Variants in CD2AP observed in about 807,000 individuals in gnomAD.
The protein encoded by CD2AP is CD2-associated protein.
In CD2AP, 46 loss-of-function variants were observed where a neutral mutation model predicts 85.1. That is an observed-to-expected ratio of 0.54 (90% CI 0.43 to 0.69). CD2AP has a LOEUF of 0.69. Ranked by LOEUF, CD2AP falls within the 30% of genes least tolerant of loss-of-function variation. The probability of loss-of-function intolerance (pLI) is 0.00; values close to 1 mark genes in which losing one functional copy is unlikely to be tolerated. For missense variants in CD2AP, 769 were observed against 729.5 expected, an observed-to-expected ratio of 1.05 and a Z score of -0.62; for synonymous variants, 255 against 252.9, an observed-to-expected ratio of 1.01 and a Z score of -0.08.
Position 47,503,280 on chromosome 6 carries a change from T to G in CD2AP, c.5T>G (p.Val2Gly). 6.2e-7 allele frequency: 1 copy of G among 1,613,482 alleles called. No individual in the cohort carries two copies. The highest frequency in any genetic ancestry group is 8.5e-7 in the Non-Finnish European group (1 of 1,179,564). M[V>G]DYIVEYDYDA... ...ATTTCGTTTTTTCCCCCTTTTTTAGTTGACTATATTGTGGAGTATGACTAT... is the reference window on the plus strand; with the variant it reads ...ATTTCGTTTTTTCCCCCTTTTTTAGGTGACTATATTGTGGAGTATGACTAT... The change falls in exon 2 of 18, where the codon GTT becomes GGT. Residue 2 changes from valine to glycine, a missense_variant and splice_region_variant. Transcript: ENST00000359314.
At chr6:47,488,211 G>T (rs1162078948) in intron 1 of CD2AP, among the ~76,000 whole-genome samples, 1 of 152,046 alleles carries the variant, frequency 6.6e-6, no homozygotes, top group Non-Finnish European at 1.5e-5. Flanking sequence ...AGACATTTCT[G>T]TATGAGTCTC....
intron 11 of CD2AP, among the ~76,000 whole-genome samples, chr6:47,585,434 A>G (rs1213409951): frequency 6.6e-6 from 1 of 152,204 alleles, no homozygotes; most frequent in Non-Finnish European, 1.5e-5. Context: ...AATGTATGAA[A>G]CAGTGGCTTT....
chr6:47,505,011 C>CTTTTTTTTTTTTTTTTTT (rs58060161), intron 2 of CD2AP, among the ~76,000 whole-genome samples: 33 of 95,112 alleles, frequency 3.5e-4, no homozygotes, highest in South Asian at 8.2e-4. Flanking sequence ...GTGGCAGTTT[C>CTTTTTTTTTTTTTTTTTT]TTTTTTTTTT....
At chr6:47,478,534 C>T (rs1765365207) in intron 1 of CD2AP, among the ~76,000 whole-genome samples, 1 of 152,124 alleles carries the variant, frequency 6.6e-6, no homozygotes, top group South Asian at 2.1e-4. Flanking sequence ...GCCTGGCCAC[C>T]TCTGCTAACC....
intron 3 of CD2AP, among the ~76,000 whole-genome samples, chr6:47,536,878 A>G (rs981833826): frequency 1.3e-5 from 2 of 152,208 alleles, no homozygotes; most frequent in African/African-American, 4.8e-5. Flanking sequence ...GTGTTTCAGC[A>G]TCAGAATATT....
At chr6:47,569,855 T>C (rs1768102777) in intron 5 of CD2AP, among the ~76,000 whole-genome samples, 2 of 152,180 alleles carry the variant, frequency 1.3e-5, no homozygotes, top group Admixed American at 6.5e-5. Flanking sequence ...ATTCACCTTA[T>C]ACTCCTCCTG....
intron 17 of CD2AP, among the ~76,000 whole-genome samples, chr6:47,615,792 A>ATTTATTT (rs1554129260): frequency 0.031 from 3,613 of 117,354 alleles, 93 homozygotes; most frequent in Middle Eastern, 0.06. Flanking sequence ...AATTTAATTT[A>ATTTATTT]ATTTATTTAT....
chr6:47,498,718 A>G (rs566150127), intron 1 of CD2AP, among the ~76,000 whole-genome samples: 3 of 152,298 alleles, frequency 2.0e-5, no homozygotes, highest in South Asian at 2.1e-4. Context: ...ATTTTATAGC[A>G]TTCTGTTCTT....
At chr6:47,609,846 G>A (rs1247005521) in intron 16 of CD2AP, among the ~76,000 whole-genome samples, 1 of 152,082 alleles carries the variant, frequency 6.6e-6, no homozygotes, top group Non-Finnish European at 1.5e-5. Flanking sequence ...ATAATTTTAG[G>A]CTAGAAATCT....
intron 2 of CD2AP, among the ~76,000 whole-genome samples, chr6:47,505,329 G>T (rs1335184533): frequency 6.7e-6 from 1 of 148,940 alleles, no homozygotes. Flanking sequence ...ATGTTTCAGA[G>T]AGCACAGGGT....
chr6:47,556,270 A>G (rs1384990217), intron 5 of CD2AP, among the ~76,000 whole-genome samples: 1 of 117,346 alleles, frequency 8.5e-6, no homozygotes, highest in Admixed American at 1.2e-4. Flanking sequence ...CCCTGTGCCC[A>G]TATGTTCTTA....
chr6:47,550,646 A>G (rs1007637086), intron 4 of CD2AP, among the ~76,000 whole-genome samples: 5 of 152,226 alleles, frequency 3.3e-5, no homozygotes, highest in Admixed American at 1.3e-4. Flanking sequence ...TTTGAGAACT[A>G]AAAGTAGAAC....
At chr6:47,582,892 C>T (rs1768521022) in intron 11 of CD2AP, among the ~76,000 whole-genome samples, 1 of 151,344 alleles carries the variant, frequency 6.6e-6, no homozygotes, top group African/African-American at 2.4e-5. Flanking sequence ...ATGCCATTCT[C>T]CTGCCTCAGC....
At chr6:47,484,682 A>G (rs1014079358) in intron 1 of CD2AP, among the ~76,000 whole-genome samples, 3 of 152,064 alleles carry the variant, frequency 2.0e-5, no homozygotes, top group Non-Finnish European at 2.9e-5. Context: ...TAAACTTCCC[A>G]TCATGATCTT....
intron 2 of CD2AP, among the ~76,000 whole-genome samples, chr6:47,527,572 T>C (rs1163386071): frequency 6.6e-6 from 1 of 152,214 alleles, no homozygotes; most frequent in Non-Finnish European, 1.5e-5. Flanking sequence ...GTGGACACAG[T>C]GCACCATAAT....
intron 17 of CD2AP, among the ~76,000 whole-genome samples, chr6:47,614,639 T>C (rs1028419892): frequency 2.0e-5 from 3 of 152,196 alleles, no homozygotes; most frequent in African/African-American, 7.2e-5. Context: ...TGTGACACAG[T>C]GATACAAAGT....
chr6:47,564,393 C>T (rs1767939059), intron 5 of CD2AP, among the ~76,000 whole-genome samples: 1 of 152,078 alleles, frequency 6.6e-6, no homozygotes, highest in Non-Finnish European at 1.5e-5. Flanking sequence ...TGTATGGGAC[C>T]ACCAGCACAA....
chr6:47,486,494 A>G (rs1328043516), intron 1 of CD2AP, among the ~76,000 whole-genome samples: 1 of 152,216 alleles, frequency 6.6e-6, no homozygotes, highest in Non-Finnish European at 1.5e-5. Context: ...ATGGAATATT[A>G]GAATATAGAT....
At chr6:47,616,877 T>C (rs1414135545) in intron 17 of CD2AP, among the ~76,000 whole-genome samples, 5 of 152,216 alleles carry the variant, frequency 3.3e-5, no homozygotes, top group African/African-American at 1.2e-4. Flanking sequence ...TTTTTTACCA[T>C]TGCCACCCTG....
Sources: allele counts gnomAD v4.1 joint callset (sites outside exome capture counted in the v4.1 genomes callset), GRCh38; gene constraint gnomAD v4.1.1; transcripts MANE v1.5; gene names NCBI Gene and HGNC (gene_info 2026-07-23, HGNC 2026-07-21).